The following LRP1B variants were observed in gnomAD, a reference collection of about 807,000 sequenced individuals.
LRP1B encodes LDL receptor related protein 1B, also known as low-density lipoprotein receptor-related protein 1B.
In LRP1B, 217 loss-of-function variants were observed where a neutral mutation model predicts 556.6. The ratio of observed to expected loss-of-function variants is 0.39; its 90% CI spans 0.35 to 0.44. The LOEUF (loss-of-function observed/expected upper bound fraction) is 0.44, where lower values mean the gene tolerates loss of function less well. LRP1B is among the 20% of genes least tolerant of loss of function. The pLI is 1.00. For missense variants in LRP1B, 5,053 were observed against 5,620.8 expected (o/e 0.90, Z 3.23); for synonymous variants, 2,047 against 1,865.8 (o/e 1.10, Z -2.50).
intron 3 of LRP1B, among the ~76,000 whole-genome samples, chr2:141,349,907 A>G: frequency 6.6e-6 from 1 of 152,120 alleles, no homozygotes; most frequent in Admixed American, 6.6e-5. Flanking sequence ...CTGATGATAA[A>G]GACACACCCA....
chr2:140,711,579 G>A (rs563753727), intron 37 of LRP1B, among the ~76,000 whole-genome samples: 6 of 112,708 alleles, frequency 5.3e-5, no homozygotes, highest in Non-Finnish European at 8.5e-5. Flanking sequence ...TTTACTACCC[G>A]TACATTATCA....
At chr2:140,790,565 G>C (rs563924859) in intron 32 of LRP1B, among the ~76,000 whole-genome samples, 3 of 152,274 alleles carry the variant, frequency 2.0e-5, no homozygotes, top group East Asian at 1.9e-4. Flanking sequence ...ACCTGGAGCA[G>C]ACTTGTACTG....
chr2:141,933,133 T>C (rs1337398932), intron 1 of LRP1B, among the ~76,000 whole-genome samples: 1 of 152,076 alleles, frequency 6.6e-6, no homozygotes, highest in Non-Finnish European at 1.5e-5. Context: ...ATCTACAGGT[T>C]ACCTCAGATA....
chr2:140,658,014 C>A (rs915598980), intron 41 of LRP1B, among the ~76,000 whole-genome samples: 2 of 152,056 alleles, frequency 1.3e-5, no homozygotes, highest in South Asian at 2.1e-4. Flanking sequence ...TTGAAAACTT[C>A]CATAATAAAA....
At chr2:141,546,021 A>G (rs953774043) in intron 2 of LRP1B, among the ~76,000 whole-genome samples, 1 of 152,186 alleles carries the variant, frequency 6.6e-6, no homozygotes, top group African/African-American at 2.4e-5. Flanking sequence ...GAAAATGAAT[A>G]CAGTTTATCC....
At chr2:141,681,012 G>T (rs1691081788) in intron 2 of LRP1B, among the ~76,000 whole-genome samples, 2 of 152,024 alleles carry the variant, frequency 1.3e-5, no homozygotes, top group African/African-American at 4.8e-5. Context: ...AATATTATTG[G>T]CCCAGCTCAG....
intron 2 of LRP1B, among the ~76,000 whole-genome samples, chr2:141,656,166 G>A (rs977051427): frequency 6.6e-6 from 1 of 152,078 alleles, no homozygotes; most frequent in Non-Finnish European, 1.5e-5. Context: ...CAGAAACCAG[G>A]CTCTTCAACA....
chr2:141,659,918 C>T (rs767972580), intron 2 of LRP1B, among the ~76,000 whole-genome samples: 1 of 151,626 alleles, frequency 6.6e-6, no homozygotes, highest in Non-Finnish European at 1.5e-5. Flanking sequence ...GAAAACAGGT[C>T]CCAGGAGGAA....
chr2:141,484,104 A>G (rs1170920160), intron 2 of LRP1B, among the ~76,000 whole-genome samples: 1 of 151,812 alleles, frequency 6.6e-6, no homozygotes, highest in Admixed American at 6.6e-5. Context: ...TAGGTCTATC[A>G]TTAAGTCTTT....
intron 1 of LRP1B, among the ~76,000 whole-genome samples, chr2:141,891,671 A>G (rs2104915187): frequency 6.6e-6 from 1 of 152,282 alleles, no homozygotes; most frequent in Admixed American, 6.5e-5. Context: ...TGTTGATATT[A>G]GTGTTGTTTA....
intron 7 of LRP1B, among the ~76,000 whole-genome samples, chr2:141,124,682 A>G (rs943510369): frequency 2.7e-5 from 4 of 150,880 alleles, no homozygotes; most frequent in African/African-American, 9.7e-5. Flanking sequence ...AAAAAAAAAG[A>G]AAAAAATACT....
chr2:141,651,209 A>G (rs1413372390), intron 2 of LRP1B, among the ~76,000 whole-genome samples: 2 of 152,184 alleles, frequency 1.3e-5, no homozygotes, highest in Admixed American at 1.3e-4. Context: ...TACTGTAACT[A>G]GTGTCCAAAC....
intron 2 of LRP1B, among the ~76,000 whole-genome samples, chr2:141,500,196 T>C (rs945469050): frequency 5.3e-5 from 8 of 152,112 alleles, no homozygotes; most frequent in Non-Finnish European, 1.0e-4. Flanking sequence ...TGTCTTCCAT[T>C]AGCTTTCCCC....
At chr2:140,582,429 T>G (rs1392294603) in intron 43 of LRP1B, among the ~76,000 whole-genome samples, 3 of 152,204 alleles carry the variant, frequency 2.0e-5, no homozygotes, top group Admixed American at 1.3e-4. Context: ...AGGGTTATAA[T>G]TGGTGCTACG....
At chr2:141,647,080 G>A (rs1387928464) in intron 2 of LRP1B, among the ~76,000 whole-genome samples, 1 of 152,170 alleles carries the variant, frequency 6.6e-6, no homozygotes, top group Non-Finnish European at 1.5e-5. Context: ...CAAGTTGTGG[G>A]TGGGGGAAGA....
intron 2 of LRP1B, among the ~76,000 whole-genome samples, chr2:141,543,251 G>A (rs1156245263): frequency 2.0e-5 from 3 of 151,910 alleles, no homozygotes; most frequent in Non-Finnish European, 2.9e-5. Flanking sequence ...GCCCAGGCCT[G>A]TAGTCCCAGC....
intron 79 of LRP1B, among the ~76,000 whole-genome samples, chr2:140,326,988 A>G (rs1680522143): frequency 6.6e-6 from 1 of 152,154 alleles, no homozygotes; most frequent in Non-Finnish European, 1.5e-5. Flanking sequence ...AATATGGAAG[A>G]GTAATATGTA....
At chr2:141,068,557 C>CAAAAA (rs564540035) in intron 7 of LRP1B, among the ~76,000 whole-genome samples, 5 of 71,592 alleles carry the variant, frequency 7.0e-5, no homozygotes, top group South Asian at 4.1e-4. Flanking sequence ...ATGTGGTTGG[C>CAAAAA]AAAAAAAAAA....
chr2:140,860,083 G>C (rs1163291806), intron 27 of LRP1B, among the ~76,000 whole-genome samples: 1 of 152,148 alleles, frequency 6.6e-6, no homozygotes, highest in Non-Finnish European at 1.5e-5. Flanking sequence ...AAAAGACTCA[G>C]TCAAGATCAC....
Sources: allele counts gnomAD v4.1 joint callset (sites outside exome capture counted in the v4.1 genomes callset), GRCh38; gene constraint gnomAD v4.1.1; transcripts MANE v1.5; gene names NCBI Gene and HGNC (gene_info 2026-07-23, HGNC 2026-07-21).